Variants in GRXCR1 observed in about 807,000 individuals in gnomAD.
GRXCR1 encodes the protein glutaredoxin and cysteine rich domain containing 1.
In GRXCR1, 27 loss-of-function variants were observed where a neutral mutation model predicts 27.3. That is an observed-to-expected ratio of 0.99 (90% CI 0.73 to 1.37). GRXCR1 has a LOEUF of 1.37. Among genes scored for constraint, GRXCR1 ranks in the 40% most tolerant of loss-of-function variants. GRXCR1 has a pLI of 0.00. For synonymous variants in GRXCR1, 122 were observed against 131.1 expected (o/e 0.93, Z 0.47); for missense variants, 379 against 354.4 (o/e 1.07, Z -0.56).
rs899844442 is a variant in GRXCR1, at chr4:43,030,639, A to G, written c.*99A>G. ...AATGGTTATGTTTATGGATTAATCA[A>G]TAAACTTTGTTTATTATAATTGTCT... On this transcript the variant is annotated 3_prime_UTR_variant, in exon 4 of 4. Coordinates refer to ENST00000399770, the MANE Select transcript of GRXCR1 (RefSeq NM_001080476.3). 1 of 955,820 alleles carries G rather than the reference A, an allele frequency of 1.0e-6. No individual in the cohort carries two copies. The highest frequency in any genetic ancestry group is 1.6e-6 in the Non-Finnish European group (1 of 616,382). The allele number at this position is 955,820 out of a possible 1,614,324, so 59.2% of individuals were successfully genotyped here. A position where few individuals can be genotyped will look rare whatever the true frequency, so the allele number is the denominator to read the frequency against.
At chr4:42,994,644 T>C (rs1712088718) in intron 2 of GRXCR1, among the ~76,000 whole-genome samples, 1 of 152,094 alleles carries the variant, frequency 6.6e-6, no homozygotes, top group African/African-American at 2.4e-5. Context: ...AAGTGAGAGA[T>C]ATATTGTGAA....
intron 1 of GRXCR1, among the ~76,000 whole-genome samples, chr4:42,938,788 C>A (rs1006674962): frequency 6.6e-6 from 1 of 151,766 alleles, no homozygotes; most frequent in Non-Finnish European, 1.5e-5. Flanking sequence ...GTTTTCCACA[C>A]ATTTGCTGAA....
intron 1 of GRXCR1, among the ~76,000 whole-genome samples, chr4:42,939,683 A>AT (rs1435913775): frequency 1.3e-5 from 2 of 152,030 alleles, no homozygotes; most frequent in African/African-American, 2.4e-5. Flanking sequence ...TTTATCTTGT[A>AT]TTTCCTTCAG....
intron 3 of GRXCR1, among the ~76,000 whole-genome samples, chr4:43,025,555 C>A (rs1157283745): frequency 6.6e-6 from 1 of 152,300 alleles, no homozygotes; most frequent in East Asian, 1.9e-4. Context: ...CAACCCAAAC[C>A]ACTATTCAGA....
chr4:42,910,454 G>T (rs550224508), intron 1 of GRXCR1, among the ~76,000 whole-genome samples: 6 of 152,222 alleles, frequency 3.9e-5, no homozygotes, highest in African/African-American at 1.4e-4. Context: ...CTAAAGAGCT[G>T]CCCCAAGAGA....
intron 1 of GRXCR1, among the ~76,000 whole-genome samples, chr4:42,932,490 A>G (rs1354188337): frequency 1.4e-5 from 2 of 147,414 alleles, no homozygotes; most frequent in Non-Finnish European, 3.0e-5. Context: ...GTCTCTTAGC[A>G]GCCTCTTGCC....
At chr4:42,978,916 GA>G (rs1560672777) in intron 2 of GRXCR1, among the ~76,000 whole-genome samples, 1 of 151,940 alleles carries the variant, frequency 6.6e-6, no homozygotes, top group Non-Finnish European at 1.5e-5. Flanking sequence ...GAGTTCTCAC[GA>G]GATCTGATGG....
At chr4:42,951,101 T>A (rs1006402538) in intron 1 of GRXCR1, among the ~76,000 whole-genome samples, 1 of 152,108 alleles carries the variant, frequency 6.6e-6, no homozygotes, top group South Asian at 2.1e-4. Flanking sequence ...ATGGTGTAGA[T>A]TTAAGTTTGA....
At chr4:42,931,287 T>C (rs1747299596) in intron 1 of GRXCR1, among the ~76,000 whole-genome samples, 1 of 152,036 alleles carries the variant, frequency 6.6e-6, no homozygotes, top group Non-Finnish European at 1.5e-5. Flanking sequence ...GTTTTGAATT[T>C]CACTCAAAGT....
At chr4:42,970,967 A>G (rs186616514) in intron 2 of GRXCR1, among the ~76,000 whole-genome samples, 1 of 152,270 alleles carries the variant, frequency 6.6e-6, no homozygotes, top group Admixed American at 6.5e-5. Context: ...GCTTTCAGAA[A>G]CAGCTGGGTT....
intron 1 of GRXCR1, among the ~76,000 whole-genome samples, chr4:42,952,040 T>A: frequency 6.6e-6 from 1 of 152,212 alleles, no homozygotes; most frequent in East Asian, 1.9e-4. Flanking sequence ...AGAAATCTTT[T>A]TATGCAAAGA....
intron 2 of GRXCR1, among the ~76,000 whole-genome samples, chr4:42,996,530 AT>A (rs899725443): frequency 9.2e-5 from 14 of 152,114 alleles, no homozygotes; most frequent in African/African-American, 3.4e-4. Context: ...CAACAAAAAA[AT>A]CTTGACCAAT....
intron 1 of GRXCR1, 137 bp downstream of exon 1, chr4:42,893,787 A>G (rs1163551848): frequency 3.4e-6 from 3 of 871,384 alleles, no homozygotes; most frequent in Admixed American, 1.8e-5. Context: ...CACCTAAGAT[A>G]CTGTCCTAAC....
intron 1 of GRXCR1, among the ~76,000 whole-genome samples, chr4:42,939,393 G>A (rs542728616): frequency 8.5e-5 from 13 of 152,050 alleles, no homozygotes; most frequent in South Asian, 2.1e-4. Context: ...AGTTCTTACC[G>A]TTTTTTGGTG....
At chr4:42,909,150 C>T (rs923689105) in intron 1 of GRXCR1, among the ~76,000 whole-genome samples, 3 of 152,200 alleles carry the variant, frequency 2.0e-5, no homozygotes, top group Non-Finnish European at 4.4e-5. Context: ...CCCCAGTAAC[C>T]TCTACGTGGC....
At chr4:42,936,140 G>T (rs1016534172) in intron 1 of GRXCR1, among the ~76,000 whole-genome samples, 1 of 151,746 alleles carries the variant, frequency 6.6e-6, no homozygotes, top group Admixed American at 6.6e-5. Context: ...ATCCCTCTTT[G>T]GAGTGACTTT....
At chr4:43,008,063 T>C (rs1712621542) in intron 2 of GRXCR1, among the ~76,000 whole-genome samples, 1 of 152,180 alleles carries the variant, frequency 6.6e-6, no homozygotes, top group South Asian at 2.1e-4. Flanking sequence ...CTAGTTTTCA[T>C]TGATTATATT....
intron 1 of GRXCR1, among the ~76,000 whole-genome samples, chr4:42,908,266 C>T (rs772657682): frequency 4.6e-5 from 7 of 152,114 alleles, no homozygotes; most frequent in African/African-American, 7.2e-5. Context: ...GTGAGTATGA[C>T]GGTATACATG....
At chr4:42,906,076 AT>A (rs557307622) in intron 1 of GRXCR1, among the ~76,000 whole-genome samples, 2 of 151,782 alleles carry the variant, frequency 1.3e-5, no homozygotes, top group Admixed American at 6.6e-5. Context: ...TAATCTTTCT[AT>A]TTTTTTTAAA....
Sources: gnomAD v4.1 joint callset for allele counts (sites outside exome capture counted in the v4.1 genomes callset) on GRCh38, gnomAD v4.1.1 for gene constraint, MANE v1.5 for transcripts, NCBI Gene and HGNC (gene_info 2026-07-23, HGNC 2026-07-21) for gene names.